Variants in LEF1 observed in about 807,000 individuals in gnomAD.
LEF1 encodes the protein lymphoid enhancer binding factor 1.
LEF1 carries 14 observed loss-of-function variants against 51.2 expected under a neutral mutation model. The observed-to-expected ratio is 0.27, with a 90% CI of 0.18 to 0.43. The LOEUF (loss-of-function observed/expected upper bound fraction) is 0.43, where lower values mean the gene tolerates loss of function less well. Ranked by LOEUF, LEF1 falls within the 20% of genes least tolerant of loss-of-function variation. The probability of loss-of-function intolerance (pLI) is 1.00; values close to 1 mark genes in which losing one functional copy is unlikely to be tolerated. For synonymous variants in LEF1, 185 were observed against 183.2 expected, an observed-to-expected ratio of 1.01 and a Z score of -0.08; for missense variants, 386 against 512.0, an observed-to-expected ratio of 0.75 and a Z score of 2.37.
chr4:108,162,809 A>G (rs1344692482), intron 3 of LEF1, among the ~76,000 whole-genome samples: 4 of 152,184 alleles, frequency 2.6e-5, no homozygotes, highest in Non-Finnish European at 4.4e-5. Flanking sequence ...AGCACATTTT[A>G]CATCTACATA....
chr4:108,090,702 T>C (rs1471380150), intron 3 of LEF1, among the ~76,000 whole-genome samples: 2 of 152,204 alleles, frequency 1.3e-5, no homozygotes, highest in Non-Finnish European at 2.9e-5. Context: ...CTTTCCTTTG[T>C]GTTGTGAACA....
chr4:108,121,222 TCTA>T (rs1722577093), intron 3 of LEF1, among the ~76,000 whole-genome samples: 1 of 152,240 alleles, frequency 6.6e-6, no homozygotes, highest in Non-Finnish European at 1.5e-5. Flanking sequence ...CTAAAGAACT[TCTA>T]CTACAGTTGG....
chr4:108,148,025 A>G (rs943243964), intron 3 of LEF1, among the ~76,000 whole-genome samples: 1 of 152,224 alleles, frequency 6.6e-6, no homozygotes, highest in African/African-American at 2.4e-5. Context: ...AATGTGGTTA[A>G]ATAGTACAAA....
chr4:108,094,195 C>T (rs530031568), intron 3 of LEF1, among the ~76,000 whole-genome samples: 4 of 152,330 alleles, frequency 2.6e-5, no homozygotes, highest in African/African-American at 9.6e-5. Context: ...TATGAAATGG[C>T]TGTGTGGTCT....
At chr4:108,142,867 A>G (rs1743760415) in intron 3 of LEF1, among the ~76,000 whole-genome samples, 1 of 152,238 alleles carries the variant, frequency 6.6e-6, no homozygotes, top group Non-Finnish European at 1.5e-5. Context: ...AAGAGAATTT[A>G]TAAAATAAAA....
intron 11 of LEF1, among the ~76,000 whole-genome samples, chr4:108,062,069 A>G (rs1384695115): frequency 6.6e-6 from 1 of 152,198 alleles, no homozygotes; most frequent in Non-Finnish European, 1.5e-5. Flanking sequence ...CAGATCCTGC[A>G]CATCAACCAC....
chr4:108,126,295 T>A (rs1015079785), intron 3 of LEF1, among the ~76,000 whole-genome samples: 1 of 152,184 alleles, frequency 6.6e-6, no homozygotes, highest in Non-Finnish European at 1.5e-5. Context: ...AAATTTTTCA[T>A]CTAAGTCCCC....
At chr4:108,074,820 T>A (rs558035662) in intron 8 of LEF1, among the ~76,000 whole-genome samples, 1 of 152,352 alleles carries the variant, frequency 6.6e-6, no homozygotes, top group African/African-American at 2.4e-5. Flanking sequence ...GCTGAGAAAG[T>A]AGCAATTGTT....
chr4:108,106,151 AAAAGTACTT>A (rs924724008), intron 3 of LEF1, among the ~76,000 whole-genome samples: 1 of 152,180 alleles, frequency 6.6e-6, no homozygotes, highest in Non-Finnish European at 1.5e-5. Flanking sequence ...ATCCAACTCA[AAAAGTACTT>A]AAGTAAATAA....
intron 3 of LEF1, among the ~76,000 whole-genome samples, chr4:108,135,834 C>T (rs1743229760): frequency 6.6e-6 from 1 of 152,206 alleles, no homozygotes; most frequent in African/African-American, 2.4e-5. Flanking sequence ...GCAATTCCTT[C>T]TGCTCTCCTC....
In LEF1 at chr4:108,092,939, A is replaced by AAAAAAAAAAAAAAAAAAAC. The variant is rs1553952202; in HGVS notation, c.415-3683_415-3682insGTTTTTTTTTTTTTTTTTT. 2.6e-3 allele frequency among the ~76,000 whole-genome samples: 232 copies of AAAAAAAAAAAAAAAAAAAC among 90,700 alleles called. 6 individuals carry two copies. Among genetic ancestry groups the AAAAAAAAAAAAAAAAAAAC allele is most frequent in the Middle Eastern group, 0.018 (2 of 110 alleles). 59.5% of individuals were successfully genotyped at this position (90,700 alleles called of 152,430 possible). A position where few individuals can be genotyped will look rare whatever the true frequency, so the allele number is the denominator to read the frequency against. On this transcript the variant is annotated intron_variant, in intron 3 of 11. Transcript: ENST00000265165. ...ATGTAAAAAAAAAAAAAAAAAAAAA[A>AAAAAAAAAAAAAAAAAAAC]AAAAAAAAAAGACAAGCAAAATCTG...
intron 3 of LEF1, among the ~76,000 whole-genome samples, chr4:108,126,479 G>A (rs758008899): frequency 2.0e-5 from 3 of 152,054 alleles, no homozygotes; most frequent in Non-Finnish European, 4.4e-5. Context: ...CTCATTTCCT[G>A]ATTTTTTTAT....
At chr4:108,156,661 T>C (rs1038927199) in intron 3 of LEF1, among the ~76,000 whole-genome samples, 1 of 152,224 alleles carries the variant, frequency 6.6e-6, no homozygotes, top group African/African-American at 2.4e-5. Flanking sequence ...AGTTACTTTA[T>C]GATGGTAACT....
intron 1 of LEF1, chr4:108,166,227 T>G: frequency 6.5e-7 from 1 of 1,530,976 alleles, no homozygotes; most frequent in Non-Finnish European, 8.7e-7. Context: ...AACACCATTC[T>G]GTTCTCTGAA....
intron 3 of LEF1, among the ~76,000 whole-genome samples, chr4:108,127,423 T>C (rs1742616491): frequency 6.6e-6 from 1 of 152,244 alleles, no homozygotes; most frequent in South Asian, 2.1e-4. Context: ...GAATCTCATG[T>C]GACTCTCCAG....
intron 3 of LEF1, among the ~76,000 whole-genome samples, chr4:108,131,002 G>A (rs915495743): frequency 3.3e-5 from 5 of 151,904 alleles, no homozygotes; most frequent in Admixed American, 3.3e-4. Context: ...TTTCCTCCCA[G>A]GTTATTTTTT....
intron 3 of LEF1, among the ~76,000 whole-genome samples, chr4:108,129,143 T>C (rs1742717225): frequency 6.6e-6 from 1 of 152,176 alleles, no homozygotes; most frequent in African/African-American, 2.4e-5. Flanking sequence ...GCTGCTTCTA[T>C]GGGAATACAC....
intron 8 of LEF1, among the ~76,000 whole-genome samples, chr4:108,076,671 C>A (rs1302692395): frequency 6.6e-6 from 1 of 152,160 alleles, no homozygotes; most frequent in Non-Finnish European, 1.5e-5. Flanking sequence ...AGCCACCGTG[C>A]CCAGTGGCTG....
In LEF1 at chr4:108,099,570, G is replaced by GTA. The variant is rs551521155; in HGVS notation, c.415-10315_415-10314dup. Among the ~76,000 whole-genome samples the GTA allele has an allele frequency of 5.9e-3, 410 of 70,072 alleles. 4 individuals carry two copies. Among genetic ancestry groups the GTA allele is most frequent in the East Asian group, 0.029 (37 of 1,286 alleles). 46.0% of individuals were successfully genotyped at this position (70,072 alleles called of 152,430 possible). A position where few individuals can be genotyped will look rare whatever the true frequency, so the allele number is the denominator to read the frequency against. On this transcript the variant is annotated intron_variant, in intron 3 of 11. Coordinates refer to ENST00000265165, the MANE Select transcript of LEF1 (RefSeq NM_016269.5). ...TGTGTGTGTGTATGTGTGTGTGTGTGTATATATATATATATATATATATAT... is the reference window on the plus strand; with the variant it reads ...TGTGTGTGTGTATGTGTGTGTGTGTGTATATATATATATATATATATATATAT...
Sources: allele counts gnomAD v4.1 joint callset (sites outside exome capture counted in the v4.1 genomes callset), GRCh38; gene constraint gnomAD v4.1.1; transcripts MANE v1.5; gene names NCBI Gene and HGNC (gene_info 2026-07-23, HGNC 2026-07-21).